The following MEGF6 variants were observed in gnomAD, a reference collection of about 807,000 sequenced individuals.
The protein encoded by MEGF6 is multiple EGF like domains 6, also known as multiple epidermal growth factor-like domains protein 6.
MEGF6 carries 184 observed loss-of-function variants against 207.1 expected under a neutral mutation model. The ratio of observed to expected loss-of-function variants is 0.89; its 90% CI spans 0.79 to 1.00. The LOEUF (loss-of-function observed/expected upper bound fraction) is 1.00, where lower values mean the gene tolerates loss of function less well. MEGF6 is among the 50% of genes least tolerant of loss of function. The pLI is 0.00. For synonymous variants in MEGF6, 1,038 were observed against 910.0 expected, an observed-to-expected ratio of 1.14 and a Z score of -2.53; for missense variants, 2,282 against 2,202.9, an observed-to-expected ratio of 1.04 and a Z score of -0.72.
chr1:3,557,595 C>T (rs1016738662), intron 4 of MEGF6, among the ~76,000 whole-genome samples: 2 of 152,230 alleles, frequency 1.3e-5, no homozygotes, highest in African/African-American at 2.4e-5. Flanking sequence ...CATCAGACCC[C>T]GCCCCACCTT....
At chr1:3,558,071 G>A (rs554157401) in intron 4 of MEGF6, among the ~76,000 whole-genome samples, 14 of 152,206 alleles carry the variant, frequency 9.2e-5, no homozygotes, top group South Asian at 6.2e-4. Context: ...CGGTGGTCAC[G>A]ATCTGGATGT....
At chr1:3,511,097 G>A (rs1036079210) in intron 9 of MEGF6, among the ~76,000 whole-genome samples, 195 bp from the exon 10 acceptor site, 14 of 152,312 alleles carry the variant, frequency 9.2e-5, no homozygotes, top group African/African-American at 2.4e-4. Flanking sequence ...TCACGCCCAC[G>A]CACATGCACG....
At chr1:3,522,950 C>A (rs1226036369) in intron 5 of MEGF6, among the ~76,000 whole-genome samples, 2 of 152,226 alleles carry the variant, frequency 1.3e-5, no homozygotes, top group African/African-American at 4.8e-5. Flanking sequence ...GGGCCGCACC[C>A]CCGTCTCCGT....
At chr1:3,597,489 C>T (rs1046090833) in intron 2 of MEGF6, among the ~76,000 whole-genome samples, 3 of 152,232 alleles carry the variant, frequency 2.0e-5, no homozygotes, top group Non-Finnish European at 4.4e-5. Flanking sequence ...CTCAGGTCCA[C>T]CCGGCTGTGA....
chr1:3,505,973 G>A (rs1641098697), intron 15 of MEGF6, 135 bp downstream of exon 15: 12 of 1,231,944 alleles, frequency 9.7e-6, no homozygotes, highest in African/African-American at 1.5e-5. Flanking sequence ...GCGGACCCCA[G>A]ACCTACATCC....
intron 1 of MEGF6, among the ~76,000 whole-genome samples, chr1:3,608,712 C>T (rs113046176): frequency 3.3e-5 from 5 of 152,268 alleles, no homozygotes; most frequent in Admixed American, 6.5e-5. Flanking sequence ...ATGGCTGGTC[C>T]GAGCCCTGCG....
intron 8 of MEGF6, 65 bp downstream of exon 8, chr1:3,511,940 TC>T (rs1403433383): frequency 3.7e-6 from 6 of 1,605,100 alleles, no homozygotes; most frequent in Non-Finnish European, 5.1e-6. Context: ...AAAGCAGGCC[TC>T]GGGGTCCTGG....
In MEGF6 at chr1:3,493,839, G is replaced by GC. The variant is rs759225724; in HGVS notation, c.4318dup (p.Ala1440GlyfsTer4). 1.7e-5 allele frequency: 28 copies of GC among 1,605,142 alleles called. No individual in the cohort carries two copies. Among genetic ancestry groups the GC allele is most frequent in the East Asian group, 2.3e-5 (1 of 44,418 alleles). ...GAGACCGGTGACAGGGTCACAGGGT[G>GC]CCCCCCCGTCACAGTCACAGCGCTG... is the stretch of plus-strand genomic sequence containing the variant. On this transcript the variant is annotated frameshift_variant, in exon 34 of 37. Coordinates refer to ENST00000356575, the MANE Select transcript of MEGF6 (RefSeq NM_001409.4). LOFTEE classifies it high-confidence loss of function.
chr1:3,538,745 T>TGTGG (rs57713922), intron 4 of MEGF6, among the ~76,000 whole-genome samples: 1 of 126,424 alleles, frequency 7.9e-6, no homozygotes. Context: ...TGTGTGTGTG[T>TGTGG]CCGCGCTGTC....
chr1:3,530,979 A>G, intron 4 of MEGF6: 1 of 1,369,144 alleles, frequency 7.3e-7, no homozygotes, highest in Non-Finnish European at 9.4e-7. Context: ...CCAGCCTAGC[A>G]GGCAGCGCCC....
At chr1:3,613,831 T>C (rs1021309290), upstream of MEGF6, among the ~76,000 whole-genome samples, 1 of 151,072 alleles carries the variant, frequency 6.6e-6, no homozygotes, top group Non-Finnish European at 1.5e-5. Flanking sequence ...TGCTCTCCCC[T>C]GTCCCAGGCA....
intron 26 of MEGF6, 146 bp downstream of exon 26, chr1:3,498,225 G>T: frequency 9.5e-7 from 1 of 1,051,878 alleles, no homozygotes; most frequent in Non-Finnish European, 1.3e-6. Context: ...GGGTCTTAGT[G>T]CTCCGACGGC....
chr1:3,502,013 C>CCACACCTCCTCACATGGGCTCCTGGCGAG lies in MEGF6; in HGVS notation c.2189-93_2189-92insCTCGCCAGGAGCCCATGTGAGGAGGTGTG, dbSNP rs1557724423. 1.1e-5 allele frequency: 17 copies of CCACACCTCCTCACATGGGCTCCTGGCGAG among 1,530,772 alleles called. 1 individual carries two copies. Among genetic ancestry groups the CCACACCTCCTCACATGGGCTCCTGGCGAG allele is most frequent in the African/African-American group, 7.0e-5 (5 of 71,714 alleles). 94.8% of individuals were successfully genotyped at this position (1,530,772 alleles called of 1,614,324 possible). ...CAGGGGCTCCTGGTGAGTGTGCCCCCTGTGCCTCACATGGGCTCCTGGCGA... is the reference window on the plus strand; with the variant it reads ...CAGGGGCTCCTGGTGAGTGTGCCCCCCACACCTCCTCACATGGGCTCCTGGCGAGTGTGCCTCACATGGGCTCCTGGCGA... On this transcript the variant is annotated intron_variant, in intron 17 of 36. Coordinates refer to ENST00000356575, the MANE Select transcript of MEGF6 (RefSeq NM_001409.4).
intron 3 of MEGF6, among the ~76,000 whole-genome samples, chr1:3,586,089 G>A (rs1643890431): frequency 1.4e-5 from 2 of 147,682 alleles, no homozygotes; most frequent in Admixed American, 1.4e-4. Context: ...TGGGTGTGAG[G>A]ACACATGTCC....
At chr1:3,552,949 G>C (rs2101599624) in intron 4 of MEGF6, among the ~76,000 whole-genome samples, 1 of 152,154 alleles carries the variant, frequency 6.6e-6, no homozygotes, top group South Asian at 2.1e-4. Flanking sequence ...CAGAGTTCAG[G>C]CTCAGTCCAA....
intron 4 of MEGF6, among the ~76,000 whole-genome samples, chr1:3,566,220 G>T (rs1384153640): frequency 6.6e-6 from 1 of 152,338 alleles, no homozygotes; most frequent in South Asian, 2.1e-4. Context: ...AGAGGGCCGG[G>T]CCCTGCTCTG....
In MEGF6 at chr1:3,556,285, G is replaced by A. The variant is rs910518950; in HGVS notation, c.481+23540C>T. Among the ~76,000 whole-genome samples the A allele has an allele frequency of 1.3e-5, 2 of 152,242 alleles. No homozygotes were observed. Among genetic ancestry groups the A allele is most frequent in the Non-Finnish European group, 2.9e-5 (2 of 68,046 alleles). On this transcript the variant is annotated intron_variant, in intron 4 of 36. Coordinates refer to ENST00000356575, the MANE Select transcript of MEGF6 (RefSeq NM_001409.4). The surrounding 1 kb of genome is among the most constrained non-coding windows in gnomAD (Gnocchi z 4.4). ...AGCTCTGTGTGAGGCCCGCAGGCCA[G>A]GTCAGAATTAAACTCCATGATCTTG... is the stretch of plus-strand genomic sequence containing the variant.
At chr1:3,542,491 T>C (rs1412085231) in intron 4 of MEGF6, among the ~76,000 whole-genome samples, 1 of 151,972 alleles carries the variant, frequency 6.6e-6, no homozygotes, top group Non-Finnish European at 1.5e-5. Context: ...CTCAGCCTGA[T>C]GTGGGATCCT....
rs1183526152 is a variant in MEGF6, at chr1:3,560,144, TC to T, written c.481+19680del. On this transcript the variant is annotated intron_variant, in intron 4 of 36. Coordinates refer to ENST00000356575, the MANE Select transcript of MEGF6 (RefSeq NM_001409.4). This position sits in a 1 kb window ranked among gnomAD's most constrained non-coding sequence, Gnocchi z 4.0. ...CAAAGAAGGCTGGGCTTTTTTTTTT[TC>T]TTTTAACTAATAGATTTTATTTTTT... is the stretch of plus-strand genomic sequence containing the variant. Among the ~76,000 whole-genome samples, 2 of 151,826 alleles carry T rather than the reference TC, an allele frequency of 1.3e-5. No individual in the cohort carries two copies. Among genetic ancestry groups the T allele is most frequent in the African/African-American group, 4.8e-5 (2 of 41,360 alleles).
Sources: gnomAD v4.1 joint callset for allele counts (sites outside exome capture counted in the v4.1 genomes callset) on GRCh38, gnomAD v4.1.1 for gene constraint, Gnocchi (gnomAD v3.1) non-coding constraint, MANE v1.5 for transcripts, NCBI Gene and HGNC (gene_info 2026-07-23, HGNC 2026-07-21) for gene names.